KAZN: variants seen among roughly 807,000 people sequenced by gnomAD.
KAZN encodes kazrin, periplakin interacting protein.
In KAZN, 40 loss-of-function variants were observed where a neutral mutation model predicts 87.4. That is an observed-to-expected ratio of 0.46 (90% CI 0.36 to 0.60). The LOEUF (loss-of-function observed/expected upper bound fraction) is 0.60, where lower values mean the gene tolerates loss of function less well. KAZN is among the 20% of genes least tolerant of loss of function. The pLI is 0.00. For missense variants in KAZN, 898 were observed against 1,073.9 expected, an observed-to-expected ratio of 0.84 and a Z score of 2.29; for synonymous variants, 466 against 458.3, an observed-to-expected ratio of 1.02 and a Z score of -0.22.
chr1:14,000,876 G>A (rs1033832097), intron 1 of KAZN, among the ~76,000 whole-genome samples: 1 of 151,226 alleles, frequency 6.6e-6, no homozygotes, highest in Admixed American at 6.6e-5. Context: ...TCCGCCTCCC[G>A]GGTTCACGCC....
At chr1:14,766,473 C>A (rs1644887688) in intron 1 of KAZN, among the ~76,000 whole-genome samples, 1 of 151,850 alleles carries the variant, frequency 6.6e-6, no homozygotes, top group South Asian at 2.1e-4. Flanking sequence ...CCGGCTGGCA[C>A]ACTGCAGGAA....
At chr1:14,393,108 C>A (rs887644743) in intron 2 of KAZN, among the ~76,000 whole-genome samples, 3 of 152,198 alleles carry the variant, frequency 2.0e-5, no homozygotes, top group African/African-American at 7.2e-5. Context: ...TAAGGTTCCA[C>A]CATCTCTCTG....
intron 1 of KAZN, among the ~76,000 whole-genome samples, chr1:14,815,802 C>G (rs1178013988): frequency 6.6e-6 from 1 of 152,168 alleles, no homozygotes; most frequent in Non-Finnish European, 1.5e-5. Context: ...AGCTCCATAT[C>G]CACATCAGGC....
At chr1:14,288,316 T>G (rs746937921) in intron 2 of KAZN, among the ~76,000 whole-genome samples, 2 of 152,178 alleles carry the variant, frequency 1.3e-5, no homozygotes, top group African/African-American at 2.4e-5. Context: ...TCCTGGACTT[T>G]TTTTGGTTGG....
intron 2 of KAZN, among the ~76,000 whole-genome samples, chr1:14,331,306 C>G (rs1051116844): frequency 6.6e-6 from 1 of 152,176 alleles, no homozygotes; most frequent in African/African-American, 2.4e-5. Context: ...TGATATGGGA[C>G]GGAAATCAGC....
At chr1:14,903,080 G>A (rs1471470864) in intron 1 of KAZN, among the ~76,000 whole-genome samples, 1 of 151,858 alleles carries the variant, frequency 6.6e-6, no homozygotes, top group Non-Finnish European at 1.5e-5. Flanking sequence ...TGTTGGCCAG[G>A]CTGGTCTCAA....
chr1:14,384,764 G>A (rs988728725), intron 2 of KAZN, among the ~76,000 whole-genome samples: 3 of 151,552 alleles, frequency 2.0e-5, no homozygotes, highest in East Asian at 2.0e-4. Flanking sequence ...CGCGGATATT[G>A]GTCTAAAATT....
chr1:14,650,064 T>G (rs12136454), intron 1 of KAZN, among the ~76,000 whole-genome samples: 1 of 131,200 alleles, frequency 7.6e-6, no homozygotes. Flanking sequence ...TTTTTGCTGA[T>G]AAGGAAACTA....
chr1:14,804,236 C>T (rs994117278), intron 1 of KAZN, among the ~76,000 whole-genome samples: 2 of 152,194 alleles, frequency 1.3e-5, no homozygotes, highest in Admixed American at 6.5e-5. Flanking sequence ...TGGAAACAAA[C>T]GTAAGCAAAG....
At chr1:14,345,765 T>G (rs1008004842) in intron 2 of KAZN, among the ~76,000 whole-genome samples, 3 of 152,194 alleles carry the variant, frequency 2.0e-5, no homozygotes, top group Admixed American at 1.3e-4. Flanking sequence ...ACTCACCAGG[T>G]GATGCCGACA....
intron 2 of KAZN, among the ~76,000 whole-genome samples, chr1:14,455,682 C>A (rs1667531065): frequency 6.6e-6 from 1 of 152,194 alleles, no homozygotes. Flanking sequence ...TCCAACCTCA[C>A]AGGACCAACC....
At chr1:14,286,592 C>T (rs761435984) in intron 2 of KAZN, among the ~76,000 whole-genome samples, 4 of 152,198 alleles carry the variant, frequency 2.6e-5, no homozygotes, top group Non-Finnish European at 2.9e-5. Context: ...CTACAACTCT[C>T]ACCTCATACT....
chr1:14,566,693 C>T (rs543137268), intron 2 of KAZN, among the ~76,000 whole-genome samples: 2 of 152,352 alleles, frequency 1.3e-5, no homozygotes, highest in East Asian at 1.9e-4. Flanking sequence ...CTTGCTGCAG[C>T]TTCTCCATCA....
intron 1 of KAZN, among the ~76,000 whole-genome samples, chr1:14,000,737 A>G (rs1376295804): frequency 6.6e-6 from 1 of 152,218 alleles, no homozygotes; most frequent in East Asian, 1.9e-4. Flanking sequence ...AGGTATTCAG[A>G]TAGGAAGAGA....
chr1:14,469,497 C>T (rs1036206857), intron 2 of KAZN, among the ~76,000 whole-genome samples: 1 of 152,170 alleles, frequency 6.6e-6, no homozygotes, highest in Admixed American at 6.5e-5. Context: ...TAGCAGAAAA[C>T]TGTTATTGTT....
intron 1 of KAZN, among the ~76,000 whole-genome samples, chr1:14,106,998 C>A (rs1644389838): frequency 8.5e-6 from 1 of 118,082 alleles, no homozygotes; most frequent in African/African-American, 3.3e-5. Context: ...CCCTCCCTCC[C>A]TCCCTGTCTC....
intron 1 of KAZN, among the ~76,000 whole-genome samples, chr1:14,117,572 C>T (rs1644654693): frequency 6.6e-6 from 1 of 152,056 alleles, no homozygotes; most frequent in Non-Finnish European, 1.5e-5. Context: ...CTCCAAATAC[C>T]ATTACACTGG....
chr1:14,519,155 A>T (rs1671449100), intron 2 of KAZN, among the ~76,000 whole-genome samples: 1 of 152,174 alleles, frequency 6.6e-6, no homozygotes, highest in Non-Finnish European at 1.5e-5. Flanking sequence ...TTTAAAAAAA[A>T]ATTTAAATAA....
chr1:14,895,086 G>A (rs1655115876), intron 1 of KAZN, among the ~76,000 whole-genome samples: 1 of 152,260 alleles, frequency 6.6e-6, no homozygotes, highest in South Asian at 2.1e-4. Context: ...GACTGAGTAG[G>A]AAGTGCCTAT....
Sources: gnomAD v4.1 joint callset for allele counts (sites outside exome capture counted in the v4.1 genomes callset) on GRCh38, gnomAD v4.1.1 for gene constraint, MANE v1.5 for transcripts, NCBI Gene and HGNC (gene_info 2026-07-23, HGNC 2026-07-21) for gene names.